The following CSMD3 variants were observed in gnomAD, a reference collection of about 807,000 sequenced individuals.
CSMD3 encodes CUB and Sushi multiple domains 3.
Under a neutral mutation model 435.2 loss-of-function variants are expected in CSMD3, and 177 were observed. The observed-to-expected ratio is 0.41, with a 90% CI of 0.36 to 0.46. CSMD3 has a LOEUF of 0.46. CSMD3 is among the 20% of genes least tolerant of loss of function. The pLI is 0.34. For missense variants in CSMD3, 4,265 were observed against 4,504.6 expected, an observed-to-expected ratio of 0.95 and a Z score of 1.52; for synonymous variants, 1,656 against 1,520.5, an observed-to-expected ratio of 1.09 and a Z score of -2.07.
intron 7 of CSMD3, among the ~76,000 whole-genome samples, chr8:112,959,622 C>T (rs537060291): frequency 2.6e-5 from 4 of 151,778 alleles, no homozygotes; most frequent in East Asian, 1.9e-4. Flanking sequence ...CCTGGATGTG[C>T]GTTTCCCACT....
At chr8:112,916,249 GAAGGGCACCCTTGA>G (rs768283231) in intron 10 of CSMD3, among the ~76,000 whole-genome samples, 5 of 151,796 alleles carry the variant, frequency 3.3e-5, no homozygotes, top group Non-Finnish European at 7.4e-5. Context: ...ACAATTGTTG[GAAGGGCACCCTTGA>G]AATGCAAAAT....
intron 13 of CSMD3, among the ~76,000 whole-genome samples, chr8:112,747,980 A>AAAC (rs2077478655): frequency 6.6e-6 from 1 of 150,942 alleles, no homozygotes; most frequent in African/African-American, 2.5e-5. Context: ...AAAAAAAAAA[A>AAAC]AAAAAACAGG....
chr8:113,158,571 C>A (rs1217679215), intron 4 of CSMD3, among the ~76,000 whole-genome samples: 1 of 151,950 alleles, frequency 6.6e-6, no homozygotes, highest in Non-Finnish European at 1.5e-5. Context: ...TGATTATTTT[C>A]TTTCATCCCT....
chr8:112,774,264 T>G (rs1195036122), intron 13 of CSMD3, among the ~76,000 whole-genome samples: 3 of 151,966 alleles, frequency 2.0e-5, no homozygotes, highest in Non-Finnish European at 4.4e-5. Context: ...GTTACCTAAT[T>G]GCCACCAAAT....
rs564788074 is a variant in CSMD3 at position 112,361,357 on chromosome 8, A to G, written c.6137-8823T>C. ...CACACAGTTATGTCTGTCTGCTGTCAAATGATTGCAGGCAGTTACCCTGGC... is the reference window on the plus strand; with the variant it reads ...CACACAGTTATGTCTGTCTGCTGTCGAATGATTGCAGGCAGTTACCCTGGC... On this transcript the variant is annotated intron_variant, in intron 38 of 70. Coordinates refer to ENST00000297405, the MANE Select transcript of CSMD3 (RefSeq NM_198123.2). Among the ~76,000 whole-genome samples, 3 of 151,764 alleles carry G rather than the reference A, an allele frequency of 2.0e-5. No homozygotes were observed. The South Asian group carries it at 6.2e-4, about 31-fold the overall frequency.
At chr8:113,130,383 G>GT (rs139703201) in intron 4 of CSMD3, among the ~76,000 whole-genome samples, 313 of 152,186 alleles carry the variant, frequency 2.1e-3, no homozygotes, top group East Asian at 0.012. Flanking sequence ...TCTCATGACG[G>GT]TAAGTGAGTC....
At chr8:113,394,159 T>TAC (rs3080772) in intron 1 of CSMD3, among the ~76,000 whole-genome samples, 7,252 of 137,050 alleles carry the variant, frequency 0.053, 311 homozygotes, top group African/African-American at 0.12. Context: ...TTTGTTGAAT[T>TAC]ACACACACAC....
intron 13 of CSMD3, among the ~76,000 whole-genome samples, chr8:112,715,376 A>C (rs2076702107): frequency 6.6e-6 from 1 of 152,222 alleles, no homozygotes; most frequent in African/African-American, 2.4e-5. Context: ...TAAACCAGAA[A>C]GAAGTCAAAT....
chr8:112,509,663 A>G (rs1822893547), intron 28 of CSMD3, among the ~76,000 whole-genome samples: 1 of 152,106 alleles, frequency 6.6e-6, no homozygotes, highest in East Asian at 1.9e-4. Context: ...TAGTGTCTTT[A>G]TACAGACTTC....
intron 13 of CSMD3, among the ~76,000 whole-genome samples, chr8:112,707,134 T>C (rs2076515736): frequency 6.6e-6 from 1 of 152,070 alleles, no homozygotes; most frequent in Non-Finnish European, 1.5e-5. Flanking sequence ...CTTAACTGCA[T>C]ACAGCCCAAT....
At chr8:112,262,187 GT>G (rs1816474651) in intron 61 of CSMD3, among the ~76,000 whole-genome samples, 1 of 152,006 alleles carries the variant, frequency 6.6e-6, no homozygotes, top group South Asian at 2.1e-4. Context: ...GTGGGTGTGT[GT>G]ATGTGTGTGA....
At chr8:112,783,736 A>G (rs2078462218) in intron 13 of CSMD3, among the ~76,000 whole-genome samples, 1 of 152,070 alleles carries the variant, frequency 6.6e-6, no homozygotes, top group South Asian at 2.1e-4. Flanking sequence ...CTGAAAATAC[A>G]TGGATGGAAA....
intron 13 of CSMD3, among the ~76,000 whole-genome samples, chr8:112,796,050 T>C (rs1239752608): frequency 6.6e-6 from 1 of 152,120 alleles, no homozygotes; most frequent in Middle Eastern, 3.2e-3. Flanking sequence ...CATGCCTATG[T>C]TTTATTTTGA....
chr8:112,904,713 G>A (rs1275993600), intron 10 of CSMD3, among the ~76,000 whole-genome samples: 1 of 151,310 alleles, frequency 6.6e-6, no homozygotes, highest in Non-Finnish European at 1.5e-5. Flanking sequence ...TGACCTTAAG[G>A]TCAGCCTCAA....
intron 22 of CSMD3, among the ~76,000 whole-genome samples, chr8:112,612,777 G>T (rs1025123436): frequency 7.6e-6 from 1 of 131,130 alleles, no homozygotes; most frequent in African/African-American, 3.0e-5. Flanking sequence ...AAGTGCAGTG[G>T]CTCCATCATA....
intron 13 of CSMD3, among the ~76,000 whole-genome samples, chr8:112,735,610 G>A (rs1208646947): frequency 2.0e-5 from 3 of 151,998 alleles, no homozygotes; most frequent in African/African-American, 7.2e-5. Context: ...TGAAAGAGAG[G>A]ACAAATAATA....
chr8:112,724,227 A>G (rs1587084891), intron 13 of CSMD3, among the ~76,000 whole-genome samples: 1 of 152,032 alleles, frequency 6.6e-6, no homozygotes, highest in East Asian at 1.9e-4. Context: ...CCATGGACAT[A>G]TAAGAGGAAA....
At chr8:113,080,303 A>T (rs1450157718) in intron 5 of CSMD3, among the ~76,000 whole-genome samples, 1 of 152,182 alleles carries the variant, frequency 6.6e-6, no homozygotes, top group East Asian at 1.9e-4. Context: ...CATAAAAACA[A>T]TTTTTATGCT....
intron 13 of CSMD3, among the ~76,000 whole-genome samples, chr8:112,774,799 T>A (rs1203276857): frequency 6.6e-6 from 1 of 152,034 alleles, no homozygotes; most frequent in East Asian, 1.9e-4. Context: ...AGCCTCTTAA[T>A]TCACATTTCA....
Sources: allele counts gnomAD v4.1 joint callset (sites outside exome capture counted in the v4.1 genomes callset), GRCh38; gene constraint gnomAD v4.1.1; transcripts MANE v1.5; gene names NCBI Gene and HGNC (gene_info 2026-07-23, HGNC 2026-07-21).